The following MOB1B variants were observed in gnomAD, a reference collection of about 807,000 sequenced individuals.
MOB1B encodes the protein MOB1 Mps One Binder homolog B.
A neutral mutation model predicts 24.4 loss-of-function variants in MOB1B; 19 were observed. The observed-to-expected ratio is 0.78, with a 90% CI of 0.54 to 1.14. The LOEUF (loss-of-function observed/expected upper bound fraction) is 1.14. Among genes scored for constraint, MOB1B ranks in the 50% most tolerant of loss-of-function variants. The pLI is 0.00. For synonymous variants in MOB1B, 76 were observed against 82.1 expected, an observed-to-expected ratio of 0.93 and a Z score of 0.40; for missense variants, 243 against 259.6, an observed-to-expected ratio of 0.94 and a Z score of 0.44.
chr4:70,943,452 C>A (rs1276848368), intron 1 of MOB1B, among the ~76,000 whole-genome samples: 1 of 152,156 alleles, frequency 6.6e-6, no homozygotes, highest in Non-Finnish European at 1.5e-5. Context: ...TCATGTTTTC[C>A]ACTTACCCCA....
Position 70,983,823 on chromosome 4 carries a change from A to G in MOB1B, c.*1766A>G, listed in dbSNP as rs985407936. The G allele has an allele frequency of 3.3e-5, 5 of 152,614 alleles. No individual in the cohort carries two copies. Among genetic ancestry groups the G allele is most frequent in the Non-Finnish European group, 7.4e-5 (5 of 67,998 alleles). 9.5% of individuals were successfully genotyped at this position (152,614 alleles called of 1,614,324 possible). On this transcript the variant is annotated 3_prime_UTR_variant, in exon 6 of 6. Coordinates refer to ENST00000309395, the MANE Select transcript of MOB1B (RefSeq NM_173468.4). Reference sequence around the variant, plus strand: ...AGTAGAAGTAACAGGAAAGCCTGGCAGAGTTAAATATCTTGGACATTTATT... The same window carrying G: ...AGTAGAAGTAACAGGAAAGCCTGGCGGAGTTAAATATCTTGGACATTTATT...
intron 1 of MOB1B, among the ~76,000 whole-genome samples, chr4:70,909,453 T>A (rs1256189627): frequency 1.3e-5 from 2 of 152,088 alleles, no homozygotes; most frequent in African/African-American, 4.8e-5. Context: ...TAGTGAGCTA[T>A]GCTTGTGCCA....
At chr4:70,926,354 C>G (rs180964471) in intron 1 of MOB1B, among the ~76,000 whole-genome samples, 2 of 151,760 alleles carry the variant, frequency 1.3e-5, no homozygotes, top group Admixed American at 1.3e-4. Flanking sequence ...AGTCTTTGGT[C>G]TGTCACTAGC....
chr4:70,976,821 C>A, intron 4 of MOB1B: 1 of 163,958 alleles, frequency 6.1e-6, no homozygotes, highest in Non-Finnish European at 1.2e-5. Context: ...CCCACCTTAT[C>A]TCTTCTCTCT....
intron 1 of MOB1B, among the ~76,000 whole-genome samples, chr4:70,949,964 G>T (rs1432934701): frequency 6.6e-6 from 1 of 151,688 alleles, no homozygotes; most frequent in Non-Finnish European, 1.5e-5. Context: ...AAGGAAAAAA[G>T]AATGTTTTAA....
chr4:70,916,803 A>G (rs1736213616), intron 1 of MOB1B, among the ~76,000 whole-genome samples: 2 of 152,144 alleles, frequency 1.3e-5, no homozygotes, highest in Non-Finnish European at 2.9e-5. Context: ...TCCTGACCTG[A>G]GGTAATCCAC....
At chr4:70,956,933 A>T (rs1366384613) in intron 1 of MOB1B, among the ~76,000 whole-genome samples, 1 of 152,118 alleles carries the variant, frequency 6.6e-6, no homozygotes, top group Non-Finnish European at 1.5e-5. Flanking sequence ...CAAGATCCTC[A>T]GTACTTTTTG....
intron 1 of MOB1B, 23 bp from the exon 2 acceptor site, chr4:70,958,851 T>A: frequency 2.5e-6 from 4 of 1,588,480 alleles, no homozygotes; most frequent in Non-Finnish European, 3.4e-6. Flanking sequence ...ATTAAACCCT[T>A]TTTTTTTCTT....
At chr4:70,911,038 G>T (rs1735964154) in intron 1 of MOB1B, among the ~76,000 whole-genome samples, 1 of 152,094 alleles carries the variant, frequency 6.6e-6, no homozygotes, top group Non-Finnish European at 1.5e-5. Context: ...CGCCCGCCTT[G>T]GCCTCCCAAA....
chr4:70,958,897 T>G lies in MOB1B; in HGVS notation c.38T>G (p.Phe13Cys), dbSNP rs751942946. The G allele has an allele frequency of 6.2e-7, 1 of 1,612,200 alleles. No homozygotes were observed. The highest frequency in any genetic ancestry group is 1.7e-5 in the Admixed American group (1 of 59,604). Residue 13 changes from phenylalanine to cysteine, a missense_variant, in exon 2 of 6, where the codon TTT becomes TGT. Coordinates refer to ENST00000309395, the MANE Select transcript of MOB1B (RefSeq NM_173468.4). The stretch of plus-strand genomic sequence containing the variant: ...AGTGGTAGTCGCTCTTCTAAAACTT[T>G]TAAACCAAAGAAGAACATTCCAGAG... ...FLFGSRSSKTFKPKKNIPEGS... is the reference protein window; with the variant it reads ...FLFGSRSSKTCKPKKNIPEGS...
intron 1 of MOB1B, among the ~76,000 whole-genome samples, chr4:70,928,641 C>G (rs1736753417): frequency 1.3e-5 from 2 of 152,086 alleles, no homozygotes; most frequent in Non-Finnish European, 2.9e-5. Context: ...ATGAGTGATT[C>G]TCCTCAGTCT....
intron 2 of MOB1B, among the ~76,000 whole-genome samples, chr4:70,966,253 G>A (rs1039621009): frequency 6.6e-6 from 1 of 152,026 alleles, no homozygotes; most frequent in Non-Finnish European, 1.5e-5. Context: ...GGTTAGTTTA[G>A]CATCTGAGGG....
intron 1 of MOB1B, among the ~76,000 whole-genome samples, chr4:70,912,351 C>T (rs1736025129): frequency 6.6e-6 from 1 of 151,180 alleles, no homozygotes; most frequent in East Asian, 1.9e-4. Flanking sequence ...GCGATCTCTG[C>T]TCACTGCATT....
At chr4:70,912,390 C>G (rs926507489) in intron 1 of MOB1B, among the ~76,000 whole-genome samples, 1 of 151,822 alleles carries the variant, frequency 6.6e-6, no homozygotes, top group African/African-American at 2.4e-5. Context: ...AGTAATTCAC[C>G]TGCTTCAGCC....
intron 4 of MOB1B, among the ~76,000 whole-genome samples, chr4:70,977,795 A>G (rs987835559): frequency 6.6e-6 from 1 of 152,122 alleles, no homozygotes; most frequent in African/African-American, 2.4e-5. Flanking sequence ...GGCTCAAGCA[A>G]TCCTATCGCT....
intron 1 of MOB1B, among the ~76,000 whole-genome samples, chr4:70,907,101 A>T (rs1339535519): frequency 6.6e-6 from 1 of 152,182 alleles, no homozygotes; most frequent in Non-Finnish European, 1.5e-5. Flanking sequence ...TTGCCTGTGA[A>T]TTGTTCACTT....
intron 4 of MOB1B, among the ~76,000 whole-genome samples, chr4:70,977,875 A>C (rs1417553510): frequency 2.0e-5 from 3 of 152,094 alleles, no homozygotes; most frequent in African/African-American, 7.2e-5. Flanking sequence ...TTTTTTGTAG[A>C]GGCAAGGAGC....
chr4:70,918,808 G>C (rs1279452929), intron 1 of MOB1B, among the ~76,000 whole-genome samples: 1 of 151,984 alleles, frequency 6.6e-6, no homozygotes, highest in Non-Finnish European at 1.5e-5. Flanking sequence ...TTTCTTCTAG[G>C]GTTTTTATAC....
chr4:70,946,649 C>T (rs920108040), intron 1 of MOB1B, among the ~76,000 whole-genome samples: 2 of 152,074 alleles, frequency 1.3e-5, no homozygotes, highest in Admixed American at 6.6e-5. Flanking sequence ...CTATTGTAAA[C>T]CAAAAACTGA....
Sources: allele counts gnomAD v4.1 joint callset (sites outside exome capture counted in the v4.1 genomes callset), GRCh38; gene constraint gnomAD v4.1.1; transcripts MANE v1.5; gene names NCBI Gene and HGNC (gene_info 2026-07-23, HGNC 2026-07-21).